The following PKD1L3 variants were observed in gnomAD, a reference collection of about 807,000 sequenced individuals.
PKD1L3 encodes polycystin-1-like protein 3.
A neutral mutation model predicts 184.1 loss-of-function variants in PKD1L3; 239 were observed. The observed-to-expected ratio is 1.30, with a 90% CI of 1.17 to 1.45. PKD1L3 has a LOEUF of 1.45. Ranked by LOEUF, PKD1L3 falls within the 40% of genes most tolerant of loss-of-function variation. The pLI is 0.00. For synonymous variants in PKD1L3, 996 were observed against 778.8 expected, an observed-to-expected ratio of 1.28 and a Z score of -4.64; for missense variants, 2,660 against 2,067.2, an observed-to-expected ratio of 1.29 and a Z score of -5.56.
chr16:71,986,570 G>GTATCTC, intron 4 of PKD1L3, 101 bp from the exon 5 acceptor site: 1 of 1,295,342 alleles, frequency 7.7e-7, no homozygotes, highest in Non-Finnish European at 1.0e-6. Flanking sequence ...TGTCCTATGA[G>GTATCTC]ATACTAATAG....
chr16:71,942,534 T>C, intron 24 of PKD1L3, 26 bp downstream of exon 24: 3 of 1,526,462 alleles, frequency 2.0e-6, no homozygotes, highest in Non-Finnish European at 2.7e-6. Flanking sequence ...TACGTGTGGT[T>C]GAATTCCAGG....
chr16:71,992,205 C>A (rs1597377242), intron 3 of PKD1L3, among the ~76,000 whole-genome samples: 1 of 152,260 alleles, frequency 6.6e-6, no homozygotes, highest in Middle Eastern at 3.4e-3. Flanking sequence ...ACCCTACGTA[C>A]ATAAATATTA....
At chr16:71,988,353 C>T (rs1402008353) in intron 4 of PKD1L3, among the ~76,000 whole-genome samples, 1 of 152,178 alleles carries the variant, frequency 6.6e-6, no homozygotes. Context: ...TGCCATCACA[C>T]CCGGCTAATT....
At chr16:71,993,104 G>T in intron 3 of PKD1L3, 112 bp downstream of exon 3, 1 of 727,658 alleles carries the variant, frequency 1.4e-6, no homozygotes, top group South Asian at 2.3e-5. Context: ...AGAATGCAAC[G>T]AATATTGGGC....
chr16:71,952,633 G>C (rs2038886210), intron 18 of PKD1L3, among the ~76,000 whole-genome samples: 1 of 44,880 alleles, frequency 2.2e-5, no homozygotes, highest in South Asian at 9.8e-4. Flanking sequence ...CCAAGGGTTT[G>C]AGACCAGCCT....
In PKD1L3 at chr16:71,935,390, TTTC is replaced by T; in HGVS notation, c.4578_4580del (p.Lys1527del). On this transcript the variant is annotated inframe_deletion, in exon 26 of 30. Coordinates refer to ENST00000620267, the MANE Select transcript of PKD1L3 (RefSeq NM_181536.2). ...GGTCATCGCGGTATCGTGCCATGTT[TTTC>T]TTATGTAGAGAAATACTCTTCATGT... is the stretch of plus-strand genomic sequence containing the variant. 6.4e-7 allele frequency: 1 copy of T among 1,551,812 alleles called. No homozygotes were observed. The highest frequency in any genetic ancestry group is 8.7e-7 in the Non-Finnish European group (1 of 1,147,002).
At chr16:71,941,848 T>C (rs1399325816) in intron 24 of PKD1L3, among the ~76,000 whole-genome samples, 1 of 151,578 alleles carries the variant, frequency 6.6e-6, no homozygotes, top group Non-Finnish European at 1.5e-5. Flanking sequence ...CCTCCCAAAG[T>C]GCTGGGATTA....
chr16:71,979,956 C>G, intron 8 of PKD1L3, 44 bp from the exon 9 acceptor site: 6 of 1,549,466 alleles, frequency 3.9e-6, no homozygotes, highest in Non-Finnish European at 5.2e-6. Context: ...TGTGTGTCCT[C>G]TGAAAGTGAA....
intron 21 of PKD1L3, 34 bp downstream of exon 21, chr16:71,949,749 G>T (rs527351840): frequency 3.1e-5 from 47 of 1,526,666 alleles, no homozygotes; most frequent in Admixed American, 5.9e-5. Context: ...CCTAACTTCT[G>T]CAACTCCAAT....
chr16:71,972,514 T>A (rs1861023813), intron 12 of PKD1L3, among the ~76,000 whole-genome samples: 1 of 152,060 alleles, frequency 6.6e-6, no homozygotes, highest in Admixed American at 6.6e-5. Context: ...CGAGACCCTG[T>A]CTGTTCAAAA....
chr16:71,973,090 C>A (rs2039779640), intron 12 of PKD1L3, among the ~76,000 whole-genome samples: 3 of 152,356 alleles, frequency 2.0e-5, no homozygotes, highest in South Asian at 4.1e-4. Context: ...CCACCCTGGA[C>A]TGTGTTTGAG....
At chr16:71,995,872 A>G (rs1252778719) in intron 2 of PKD1L3, among the ~76,000 whole-genome samples, 4 of 152,202 alleles carry the variant, frequency 2.6e-5, no homozygotes, top group Admixed American at 6.5e-5. Context: ...GCAACTTATG[A>G]GAGTACCTAT....
chr16:71,970,102 C>T lies in PKD1L3; in HGVS notation c.1957G>A (p.Gly653Arg), dbSNP rs942260718. ...QTWSSAGCQV[G>R]PQSTILRTQC... ...GTCCTCAGAATTGTGCTCTGTGGCC[C>T]AACCTGGAATTAGAATCAAGACGTT... Residue 653 changes from glycine (G) to arginine (R), a missense_variant, in exon 13 of 30, where the codon GGG becomes AGG. Coordinates refer to ENST00000620267, the MANE Select transcript of PKD1L3 (RefSeq NM_181536.2). The T allele has an allele frequency of 2.6e-6, 4 of 1,550,844 alleles. No individual in the cohort carries two copies. In the African/African-American group the frequency reaches 5.5e-5, roughly 21 times the overall value.
intron 23 of PKD1L3, among the ~76,000 whole-genome samples, chr16:71,943,280 T>C (rs531459316): frequency 2.6e-5 from 4 of 152,246 alleles, no homozygotes; most frequent in Admixed American, 2.0e-4. Context: ...CTCACACCTG[T>C]AATCCTAGCA....
intron 18 of PKD1L3, 140 bp downstream of exon 18, chr16:71,952,754 T>G (rs2038891203): frequency 7.2e-6 from 6 of 828,992 alleles, no homozygotes; most frequent in Non-Finnish European, 1.1e-5. Context: ...GAGGACCACT[T>G]GAGCCGGGAG....
At chr16:71,979,081 T>C (rs1356493914) in intron 9 of PKD1L3, among the ~76,000 whole-genome samples, 1 of 152,232 alleles carries the variant, frequency 6.6e-6, no homozygotes, top group Admixed American at 6.5e-5. Context: ...CTGAAAGGAA[T>C]ACAATATATT....
chr16:71,987,413 A>T (rs2040415337), intron 4 of PKD1L3, among the ~76,000 whole-genome samples: 1 of 149,632 alleles, frequency 6.7e-6, no homozygotes, highest in African/African-American at 2.5e-5. Context: ...TTGCTCTGTT[A>T]CCCAGGCTGG....
intron 6 of PKD1L3, 74 bp downstream of exon 6, chr16:71,983,962 C>A: frequency 6.6e-7 from 1 of 1,524,852 alleles, no homozygotes; most frequent in East Asian, 2.5e-5. Flanking sequence ...CGCACCCAGC[C>A]TCAGATTCTC....
Position 71,978,300 on chromosome 16 carries a change from A to T in PKD1L3, c.1482T>A (p.Ala494=). 1 of 1,550,452 alleles carries T rather than the reference A, an allele frequency of 6.4e-7. No individual in the cohort carries two copies. Among genetic ancestry groups the T allele is most frequent in the Non-Finnish European group, 8.7e-7 (1 of 1,146,222 alleles). ...CATGGACTTGGAGCAATTTACGATT[A>T]GCGCTTAGTAACACACTTCCAATGC... is the stretch of plus-strand genomic sequence containing the variant. The part of the protein sequence containing the change: ...VGSIGSVLLS[A]NRKLLQVHDL... The change falls in exon 10 of 30, where the codon GCT becomes GCA. Residue 494 remains alanine (A), a synonymous_variant. Coordinates refer to ENST00000620267, the MANE Select transcript of PKD1L3 (RefSeq NM_181536.2).
Sources: gnomAD v4.1 joint callset for allele counts (sites outside exome capture counted in the v4.1 genomes callset) on GRCh38, gnomAD v4.1.1 for gene constraint, MANE v1.5 for transcripts, NCBI Gene and HGNC (gene_info 2026-07-23, HGNC 2026-07-21) for gene names.